Variants in TSC1 observed in about 807,000 individuals in gnomAD.
TSC1 encodes hamartin.
In TSC1, 20 loss-of-function variants were observed where a neutral mutation model predicts 124.3. The ratio of observed to expected loss-of-function variants is 0.16; its 90% CI spans 0.11 to 0.23. The LOEUF (loss-of-function observed/expected upper bound fraction) is 0.23. Among genes scored for constraint, TSC1 ranks in the 10% least tolerant of loss-of-function variants. TSC1 has a pLI of 1.00. For synonymous variants in TSC1, 493 were observed against 539.1 expected (o/e 0.91, Z 1.19); for missense variants, 1,124 against 1,448.5 (o/e 0.78, Z 3.64).
intron 1 of TSC1, among the ~76,000 whole-genome samples, chr9:132,937,444 A>C (rs1847515216): frequency 6.6e-6 from 1 of 152,246 alleles, no homozygotes; most frequent in South Asian, 2.1e-4. Flanking sequence ...ACTCCGTTTC[A>C]AAATAAATAC....
At chr9:132,944,820 G>A (rs960083054), upstream of TSC1, 3 of 384,898 alleles carry the variant, frequency 7.8e-6, no homozygotes, top group Non-Finnish European at 1.4e-5. Context: ...TTATGGAGGG[G>A]GGCGGGGCCG....
chr9:132,915,737 A>T (rs1265246776), intron 8 of TSC1, among the ~76,000 whole-genome samples: 1 of 152,210 alleles, frequency 6.6e-6, no homozygotes. Flanking sequence ...CAACTGTTGT[A>T]GGAAGCTCAT....
rs1042918399 is a variant in TSC1 at position 132,894,223 on chromosome 9, ATG to A, written c.*2010_*2011del. On this transcript the variant is annotated 3_prime_UTR_variant, in exon 23 of 23. Coordinates refer to ENST00000298552, the MANE Select transcript of TSC1 (RefSeq NM_000368.5). Reference sequence around the variant, plus strand: ...TTTTTATAAGCTGTCCGTTTCTAAAATGTTTTTTCTTTTGCACTTGGGCCTCT... The same window carrying A: ...TTTTTATAAGCTGTCCGTTTCTAAAATTTTTTCTTTTGCACTTGGGCCTCT... 3.0e-5 allele frequency: 7 copies of A among 232,702 alleles called. No homozygotes were observed. Among genetic ancestry groups the A allele is most frequent in the Admixed American group, 2.3e-4 (4 of 17,768 alleles). The allele number at this position is 232,702 out of a possible 1,614,324, so 14.4% of individuals were successfully genotyped here.
chr9:132,915,019 CA>C (rs1846196446), intron 8 of TSC1, among the ~76,000 whole-genome samples: 1 of 151,826 alleles, frequency 6.6e-6, no homozygotes, highest in South Asian at 2.1e-4. Context: ...ATCTCTACAA[CA>C]ACAACAACAA....
In TSC1 at chr9:132,906,690, G is replaced by T; in HGVS notation, c.1438+41C>A. On this transcript the variant is annotated intron_variant, in intron 14 of 22. Coordinates refer to ENST00000298552, the MANE Select transcript of TSC1 (RefSeq NM_000368.5). The surrounding 1 kb of genome is among the most constrained non-coding windows in gnomAD (Gnocchi z 4.1). ...AATCCCAGATTTATAGCAGAGCGAG[G>T]GTCAGGTTTTATCAACTCATAGCAA... 1 of 1,528,156 alleles carries T rather than the reference G, an allele frequency of 6.5e-7. No homozygotes were observed. The highest frequency in any genetic ancestry group is 1.1e-5 in the South Asian group (1 of 87,012). The allele number at this position is 1,528,156 out of a possible 1,614,324, so 94.7% of individuals were successfully genotyped here.
chr9:132,939,420 CAG>C (rs1308654570), intron 1 of TSC1: 3 of 152,218 alleles, frequency 2.0e-5, no homozygotes, highest in Non-Finnish European at 4.4e-5. Context: ...CAAACTGGGG[CAG>C]GAGAGCTCCA....
At chr9:132,936,816 A>C (rs1187361556) in intron 1 of TSC1, among the ~76,000 whole-genome samples, 4 of 152,194 alleles carry the variant, frequency 2.6e-5, no homozygotes, top group Non-Finnish European at 5.9e-5. Context: ...TAGAGTATGA[A>C]AGCTGAGCCT....
In TSC1 at chr9:132,907,305, T is replaced by C. The variant is rs2131878742; in HGVS notation, c.1329A>G (p.Gly443=). The change falls in exon 13 of 23, where the codon GGA becomes GGG. Residue 443 remains glycine (G), a synonymous_variant. Coordinates refer to ENST00000298552, the MANE Select transcript of TSC1 (RefSeq NM_000368.5). The stretch of plus-strand genomic sequence containing the variant: ...GTAGTAACGCAGAAATTTTACCTGA[T>C]CCTCTGTCATTCAGAAGATGGTGTT... ...HRQHHLLNDR[G]SEEPPGSKGS... 6.2e-7 allele frequency: 1 copy of C among 1,613,956 alleles called. No homozygotes were observed. Among genetic ancestry groups the C allele is most frequent in the Non-Finnish European group, 8.5e-7 (1 of 1,179,816 alleles).
In TSC1 at chr9:132,902,698, C is replaced by G. The variant is rs1403227945; in HGVS notation, c.2298G>C (p.Glu766Asp). 1.2e-6 allele frequency: 2 copies of G among 1,614,072 alleles called. No homozygotes were observed. Among genetic ancestry groups the G allele is most frequent in the African/African-American group, 2.7e-5 (2 of 74,940 alleles). ...GCTTGGTTACCATAGTGTCACGCTG[C>G]TCCTGGAGCTGATTGTATCTAGCTT... The part of the protein sequence containing the change: ...KEQARYNQLQ[E>D]QRDTMVTKLH... The change falls in exon 18 of 23, where the codon GAG becomes GAC. Residue 766 changes from glutamate (E) to aspartate (D), a missense_variant. This residue lies in a region of TSC1 where 321 missense variants were observed against 397.4 expected (regional missense o/e 0.81). Transcript: ENST00000298552. The surrounding 1 kb of genome is among the most constrained non-coding windows in gnomAD (Gnocchi z 5.2).
intron 19 of TSC1, 152 bp from the exon 20 acceptor site, chr9:132,900,989 A>G: frequency 8.7e-7 from 1 of 1,147,712 alleles, no homozygotes; most frequent in Non-Finnish European, 1.3e-6. Context: ...ACATAATGGC[A>G]GGTGGGGAGG....
At position 132,892,042 on chromosome 9, in the gene TSC1, T is replaced by C. The variant is rs886063569; in HGVS notation, c.*4193A>G. The stretch of plus-strand genomic sequence containing the variant: ...TAACTCGTTTCATGACCAGAAGCCA[T>C]GGGCACAGGTGCTCGGCTCTTCCAG... On this transcript the variant is annotated 3_prime_UTR_variant, in exon 23 of 23. Transcript: ENST00000298552. The C allele has an allele frequency of 4.3e-6, 1 of 233,058 alleles. No individual in the cohort carries two copies. Among genetic ancestry groups the C allele is most frequent in the Non-Finnish European group, 8.5e-6 (1 of 117,970 alleles). The allele number at this position is 233,058 out of a possible 1,614,324, so 14.4% of individuals were successfully genotyped here.
chr9:132,944,964 G>C (rs1022724659), upstream of TSC1: 4 of 203,072 alleles, frequency 2.0e-5, no homozygotes, highest in African/African-American at 9.2e-5. Flanking sequence ...TGACTGGCGG[G>C]CGGGGGGACG....
chr9:132,896,429 C>T lies in TSC1; in HGVS notation c.3301G>A (p.Glu1101Lys), dbSNP rs1554812661. 3 of 1,614,224 alleles carry T rather than the reference C, an allele frequency of 1.9e-6. No individual in the cohort carries two copies. Among genetic ancestry groups the T allele is most frequent in the Non-Finnish European group, 2.5e-6 (3 of 1,180,040 alleles). The change falls in exon 23 of 23, where the codon GAG becomes AAG. Residue 1101 changes from glutamate (E) to lysine (K), a missense_variant. By Grantham distance (56) the Glu-to-Lys change is moderately conservative (BLOSUM62 1). Transcript: ENST00000298552. This position sits in a 1 kb window ranked among gnomAD's most constrained non-coding sequence, Gnocchi z 4.5. Reference sequence around the variant, plus strand: ...ATGCCGTCCTCATCACACTGGCTCTCGCTCTTATTACGAAATAACTCTCGA... The same window carrying T: ...ATGCCGTCCTCATCACACTGGCTCTTGCTCTTATTACGAAATAACTCTCGA... ...KARELFRNKS[E>K]SQCDEDGMTS...
rs2132293220 is a variant in TSC1, at chr9:132,928,757, T to C, written c.106+10A>G. The C allele has an allele frequency of 6.2e-7, 1 of 1,613,968 alleles. No homozygotes were observed. The highest frequency in any genetic ancestry group is 1.3e-5 in the African/African-American group (1 of 75,060). ...AGAAGATAAGCTAAAAAGGATATTATTTTGCTAACCAGAATTGAGGTTCTC... is the reference window on the plus strand; with the variant it reads ...AGAAGATAAGCTAAAAAGGATATTACTTTGCTAACCAGAATTGAGGTTCTC... On this transcript the variant is annotated intron_variant, in intron 3 of 22. Transcript: ENST00000298552.
chr9:132,923,636 A>C lies in TSC1; in HGVS notation c.364-144T>G. On this transcript the variant is annotated intron_variant, in intron 5 of 22. Transcript: ENST00000298552. The surrounding 1 kb of genome is among the most constrained non-coding windows in gnomAD (Gnocchi z 4.2). The stretch of plus-strand genomic sequence containing the variant: ...CGTACTCATTTCCCTATCCCTAAGG[A>C]TTACTGAAGGGATAACATTCAAACA... 1.8e-6 allele frequency: 2 copies of C among 1,120,698 alleles called. No homozygotes were observed. Among genetic ancestry groups the C allele is most frequent in the Non-Finnish European group, 2.6e-6 (2 of 762,536 alleles). 69.4% of individuals were successfully genotyped at this position (1,120,698 alleles called of 1,614,324 possible).
At chr9:132,938,248 A>G (rs1847563934) in intron 1 of TSC1, among the ~76,000 whole-genome samples, 1 of 152,172 alleles carries the variant, frequency 6.6e-6, no homozygotes, top group Non-Finnish European at 1.5e-5. Flanking sequence ...GTAAAGTGAG[A>G]TGTGATCTGT....
In TSC1 at chr9:132,892,449, G is replaced by C. The variant is rs1343724535; in HGVS notation, c.*3786C>G. The stretch of plus-strand genomic sequence containing the variant: ...TGGAGAGTGAAGGTGCAGCAGATAG[G>C]TATACTGATTTGAGTCACTCCACAC... On this transcript the variant is annotated 3_prime_UTR_variant, in exon 23 of 23. Coordinates refer to ENST00000298552, the MANE Select transcript of TSC1 (RefSeq NM_000368.5). The C allele has an allele frequency of 4.3e-6, 1 of 233,228 alleles. No homozygotes were observed. Among genetic ancestry groups the C allele is most frequent in the Non-Finnish European group, 8.5e-6 (1 of 118,094 alleles). The allele number at this position is 233,228 out of a possible 1,614,324, so 14.4% of individuals were successfully genotyped here.
At chr9:132,907,267 G>C (rs1845719467) in intron 13 of TSC1, 34 bp downstream of exon 13, 1 of 1,577,024 alleles carries the variant, frequency 6.3e-7, no homozygotes, top group African/African-American at 1.3e-5. Context: ...ATTAGAAGAG[G>C]CAAGCAAGGC....
At chr9:132,909,609 T>C (rs1845840095) in intron 12 of TSC1, 1 of 152,148 alleles carries the variant, frequency 6.6e-6, no homozygotes, top group African/African-American at 2.4e-5. Flanking sequence ...TGGCATTCCA[T>C]GAAAAAAGGC....
Sources: allele counts gnomAD v4.1 joint callset (sites outside exome capture counted in the v4.1 genomes callset), GRCh38; gene constraint gnomAD v4.1.1; regional missense constraint gnomAD v4.1.1; non-coding constraint Gnocchi (gnomAD v3.1); transcripts MANE v1.5; gene names NCBI Gene and HGNC (gene_info 2026-07-23, HGNC 2026-07-21).